Variants in KCNIP4 observed in about 807,000 individuals in gnomAD.
The protein encoded by KCNIP4 is potassium voltage-gated channel interacting protein 4.
Under a neutral mutation model 34.0 loss-of-function variants are expected in KCNIP4, and 12 were observed. That is an observed-to-expected ratio of 0.35 (90% CI 0.23 to 0.57). The LOEUF (loss-of-function observed/expected upper bound fraction) is 0.57, where lower values mean the gene tolerates loss of function less well. Among genes scored for constraint, KCNIP4 ranks in the 20% least tolerant of loss-of-function variants. KCNIP4 has a pLI of 0.83. For missense variants in KCNIP4, 238 were observed against 311.7 expected (o/e 0.76, Z 1.78); for synonymous variants, 124 against 102.2 (o/e 1.21, Z -1.29).
At chr4:21,111,785 G>C (rs1482722414) in intron 1 of KCNIP4, among the ~76,000 whole-genome samples, 1 of 152,162 alleles carries the variant, frequency 6.6e-6, no homozygotes, top group African/African-American at 2.4e-5. Context: ...GGACAGGGTG[G>C]AGACAGTGCG....
chr4:21,074,616 G>GT (rs1204612985), intron 1 of KCNIP4, among the ~76,000 whole-genome samples: 12 of 152,156 alleles, frequency 7.9e-5, no homozygotes, highest in Non-Finnish European at 1.5e-4. Flanking sequence ...TTTTTGAAGG[G>GT]TTTTTTGTGT....
intron 1 of KCNIP4, among the ~76,000 whole-genome samples, chr4:21,640,644 A>C (rs543512701): frequency 1.3e-5 from 2 of 152,280 alleles, no homozygotes; most frequent in East Asian, 3.9e-4. Context: ...TCAATCCCTG[A>C]GCTACAGCAT....
intron 1 of KCNIP4, among the ~76,000 whole-genome samples, chr4:21,205,821 A>G (rs1245176050): frequency 6.6e-6 from 1 of 152,170 alleles, no homozygotes; most frequent in Non-Finnish European, 1.5e-5. Context: ...AACCACTCTG[A>G]GGGCAGCTTC....
chr4:21,041,869 T>G (rs775559161), intron 1 of KCNIP4, among the ~76,000 whole-genome samples: 7 of 152,168 alleles, frequency 4.6e-5, no homozygotes, highest in Non-Finnish European at 8.8e-5. Flanking sequence ...ATAAAATCAG[T>G]GTGAAGCAGA....
chr4:21,802,373 C>A (rs1177823979), intron 1 of KCNIP4, among the ~76,000 whole-genome samples: 1 of 152,172 alleles, frequency 6.6e-6, no homozygotes, highest in Non-Finnish European at 1.5e-5. Flanking sequence ...CAAAACTCAT[C>A]GTCTCTCTGC....
chr4:21,475,085 C>T (rs901159891), intron 1 of KCNIP4, among the ~76,000 whole-genome samples: 10 of 151,452 alleles, frequency 6.6e-5, no homozygotes, highest in African/African-American at 2.4e-4. Flanking sequence ...TTCTATGTTG[C>T]CTACCTTATA....
intron 3 of KCNIP4, among the ~76,000 whole-genome samples, chr4:20,848,768 C>A: frequency 6.6e-6 from 1 of 151,876 alleles, no homozygotes; most frequent in Non-Finnish European, 1.5e-5. Context: ...CTGTGTTCAA[C>A]AAACATTCTG....
At chr4:21,540,888 A>G (rs1300249463) in intron 1 of KCNIP4, among the ~76,000 whole-genome samples, 1 of 152,066 alleles carries the variant, frequency 6.6e-6, no homozygotes, top group Non-Finnish European at 1.5e-5. Flanking sequence ...TCAAGAGATG[A>G]GGCCTGGCAC....
At chr4:21,438,979 G>T (rs188018036) in intron 1 of KCNIP4, among the ~76,000 whole-genome samples, 1 of 152,120 alleles carries the variant, frequency 6.6e-6, no homozygotes, top group South Asian at 2.1e-4. Flanking sequence ...TGGCTAACAT[G>T]GTGAAACCCC....
At chr4:21,888,427 G>A (rs985571443) in intron 1 of KCNIP4, among the ~76,000 whole-genome samples, 4 of 152,058 alleles carry the variant, frequency 2.6e-5, no homozygotes, top group African/African-American at 9.7e-5. Flanking sequence ...CGATTCAGAT[G>A]CAATAAAAAA....
chr4:21,413,835 G>A (rs1053714067), intron 1 of KCNIP4, among the ~76,000 whole-genome samples: 29 of 152,188 alleles, frequency 1.9e-4, no homozygotes, highest in African/African-American at 6.8e-4. Flanking sequence ...CTGTTGTATT[G>A]CAGTCTGCAG....
chr4:21,133,732 CTTG>C (rs1356206080), intron 1 of KCNIP4, among the ~76,000 whole-genome samples: 1 of 152,084 alleles, frequency 6.6e-6, no homozygotes, highest in Non-Finnish European at 1.5e-5. Flanking sequence ...GCCATAATTT[CTTG>C]TTATGTGATC....
intron 8 of KCNIP4, among the ~76,000 whole-genome samples, chr4:20,730,961 G>A (rs1333018472): frequency 6.6e-6 from 1 of 152,142 alleles, no homozygotes; most frequent in Non-Finnish European, 1.5e-5. Context: ...CCACTGCATG[G>A]AAATCCAAGT....
At chr4:21,879,169 T>C (rs1326581884) in intron 1 of KCNIP4, among the ~76,000 whole-genome samples, 1 of 152,068 alleles carries the variant, frequency 6.6e-6, no homozygotes, top group Non-Finnish European at 1.5e-5. Context: ...GTGATCACAG[T>C]CCGCTTTTTA....
chr4:21,403,772 C>G (rs181917836), intron 1 of KCNIP4, among the ~76,000 whole-genome samples: 205 of 152,276 alleles, frequency 1.3e-3, no homozygotes, highest in Middle Eastern at 6.8e-3. Flanking sequence ...GACCCATGCT[C>G]TCCTTCCAAG....
chr4:21,692,362 C>T (rs1233181104), intron 1 of KCNIP4, among the ~76,000 whole-genome samples: 1 of 152,100 alleles, frequency 6.6e-6, no homozygotes, highest in East Asian at 1.9e-4. Flanking sequence ...GCAGAAATGG[C>T]AGATTATAAG....
At chr4:20,935,208 C>G (rs1474900709) in intron 1 of KCNIP4, among the ~76,000 whole-genome samples, 1 of 152,134 alleles carries the variant, frequency 6.6e-6, no homozygotes, top group Non-Finnish European at 1.5e-5. Flanking sequence ...TTTTGAGATA[C>G]ACTATTCCAC....
At chr4:20,812,934 AGTGTGT>A (rs34935781) in intron 3 of KCNIP4, among the ~76,000 whole-genome samples, 1 of 149,476 alleles carries the variant, frequency 6.7e-6, no homozygotes, top group African/African-American at 2.5e-5. Flanking sequence ...TTTGTGTGTG[AGTGTGT>A]GTGTGTGTGT....
chr4:20,813,875 G>A (rs778798852), intron 3 of KCNIP4, among the ~76,000 whole-genome samples: 13 of 152,112 alleles, frequency 8.5e-5, no homozygotes, highest in Non-Finnish European at 1.5e-4. Context: ...ATTATTTGCC[G>A]ACAATTTTTC....
Sources: gnomAD v4.1 joint callset for allele counts (sites outside exome capture counted in the v4.1 genomes callset) on GRCh38, gnomAD v4.1.1 for gene constraint, MANE v1.5 for transcripts, NCBI Gene and HGNC (gene_info 2026-07-23, HGNC 2026-07-21) for gene names.